The following SLC44A5 variants were observed in gnomAD, a reference collection of about 807,000 sequenced individuals.
SLC44A5 encodes the protein choline transporter-like protein 5.
In SLC44A5, 57 loss-of-function variants were observed where a neutral mutation model predicts 101.8. That is an observed-to-expected ratio of 0.56 (90% CI 0.45 to 0.70). The LOEUF (loss-of-function observed/expected upper bound fraction) is 0.70. SLC44A5 is among the 30% of genes least tolerant of loss of function. The pLI is 0.00. For synonymous variants in SLC44A5, 281 were observed against 290.9 expected, an observed-to-expected ratio of 0.97 and a Z score of 0.35; for missense variants, 737 against 853.1, an observed-to-expected ratio of 0.86 and a Z score of 1.70.
intron 2 of SLC44A5, among the ~76,000 whole-genome samples, chr1:75,508,387 T>C (rs1669385156): frequency 6.6e-6 from 1 of 152,042 alleles, no homozygotes; most frequent in African/African-American, 2.4e-5. Flanking sequence ...ACTAAACACC[T>C]ACATCAAAAT....
chr1:75,244,634 T>A (rs1648949055), intron 7 of SLC44A5, among the ~76,000 whole-genome samples: 1 of 151,878 alleles, frequency 6.6e-6, no homozygotes, highest in Non-Finnish European at 1.5e-5. Flanking sequence ...GACAGAGAGG[T>A]CATCTTTGCA....
intron 3 of SLC44A5, among the ~76,000 whole-genome samples, chr1:75,367,812 T>C (rs1336861388): frequency 6.6e-6 from 1 of 152,224 alleles, no homozygotes; most frequent in African/African-American, 2.4e-5. Flanking sequence ...TCTTAGGGTC[T>C]ACCAGAGCTT....
chr1:75,661,411 A>C, the SLC44A5 span, among the ~76,000 whole-genome samples: 33 of 148,450 alleles, frequency 2.2e-4, no homozygotes, highest in African/African-American at 5.3e-4. Flanking sequence ...AAAAAAAAAA[A>C]AAAACACCAT....
At chr1:75,205,624 G>A (rs1233286949) in intron 23 of SLC44A5, 1 of 152,168 alleles carries the variant, frequency 6.6e-6, no homozygotes, top group African/African-American at 2.4e-5. Flanking sequence ...GGTATTAGAT[G>A]ATGGAGCGCC....
chr1:75,713,946 G>A, the SLC44A5 span, among the ~76,000 whole-genome samples: 5 of 150,546 alleles, frequency 3.3e-5, no homozygotes, highest in Admixed American at 3.3e-4. Flanking sequence ...GCGTGTACAG[G>A]TGTGTGCCAC....
chr1:75,251,037 G>A (rs1649524622), intron 7 of SLC44A5, among the ~76,000 whole-genome samples, 173 bp downstream of exon 7: 1 of 152,120 alleles, frequency 6.6e-6, no homozygotes, highest in African/African-American at 2.4e-5. Context: ...GCTTAGTTTT[G>A]ATTGTATATA....
intron 2 of SLC44A5, among the ~76,000 whole-genome samples, chr1:75,512,774 T>C (rs776904392): frequency 3.3e-5 from 5 of 152,166 alleles, no homozygotes; most frequent in Non-Finnish European, 7.3e-5. Flanking sequence ...GGAAGGCTGA[T>C]GCAGAGCTAA....
At chr1:75,332,984 T>A (rs1238163486) in intron 4 of SLC44A5, among the ~76,000 whole-genome samples, 1 of 152,154 alleles carries the variant, frequency 6.6e-6, no homozygotes, top group Non-Finnish European at 1.5e-5. Context: ...TTTTTCTAAT[T>A]GTATAGGAGA....
At chr1:75,720,751 C>A in the SLC44A5 span, among the ~76,000 whole-genome samples, 1 of 150,752 alleles carries the variant, frequency 6.6e-6, no homozygotes, top group African/African-American at 2.4e-5. Context: ...GGTTGGGGTG[C>A]AGGTTGGTTT....
At chr1:75,373,594 G>C (rs1660370064) in intron 3 of SLC44A5, among the ~76,000 whole-genome samples, 1 of 152,198 alleles carries the variant, frequency 6.6e-6, no homozygotes, top group South Asian at 2.1e-4. Context: ...CTGAGTGACT[G>C]TAGCTCCTGC....
chr1:75,339,311 T>C (rs1342612989), intron 4 of SLC44A5, among the ~76,000 whole-genome samples: 1 of 150,642 alleles, frequency 6.6e-6, no homozygotes, highest in Non-Finnish European at 1.5e-5. Flanking sequence ...TAAAGCATTT[T>C]TTTTCACTTC....
At chr1:75,308,150 C>T (rs1328061488) in intron 4 of SLC44A5, among the ~76,000 whole-genome samples, 3 of 152,016 alleles carry the variant, frequency 2.0e-5, no homozygotes, top group South Asian at 4.2e-4. Flanking sequence ...GACTCAATAC[C>T]CTATGAAAAA....
chr1:75,269,734 T>C (rs1476613359), intron 6 of SLC44A5, among the ~76,000 whole-genome samples: 1 of 152,190 alleles, frequency 6.6e-6, no homozygotes, highest in Non-Finnish European at 1.5e-5. Flanking sequence ...TCTTTCTGTC[T>C]GGTTTTATGA....
intron 2 of SLC44A5, among the ~76,000 whole-genome samples, chr1:75,467,489 G>C (rs904234084): frequency 3.9e-5 from 6 of 152,060 alleles, no homozygotes; most frequent in African/African-American, 7.2e-5. Flanking sequence ...CAGACACATA[G>C]ACCAATGGAA....
At chr1:75,430,630 C>T (rs1023960803) in intron 2 of SLC44A5, among the ~76,000 whole-genome samples, 7 of 152,172 alleles carry the variant, frequency 4.6e-5, no homozygotes, top group African/African-American at 1.7e-4. Context: ...GGTCCTCAGA[C>T]TTTAATATGA....
the SLC44A5 span, among the ~76,000 whole-genome samples, chr1:75,698,413 G>T: frequency 1.3e-3 from 204 of 152,180 alleles, no homozygotes; most frequent in African/African-American, 4.7e-3. Context: ...CACACGGCCA[G>T]GTACTCCAAC....
At chr1:75,356,175 T>G (rs1570759250) in intron 3 of SLC44A5, among the ~76,000 whole-genome samples, 2 of 135,074 alleles carry the variant, frequency 1.5e-5, no homozygotes, top group South Asian at 4.6e-4. Context: ...ATAGTGCTAC[T>G]GCACTCCAGC....
the SLC44A5 span, among the ~76,000 whole-genome samples, chr1:75,675,511 G>GA: frequency 3.3e-5 from 5 of 151,968 alleles, no homozygotes; most frequent in Admixed American, 2.6e-4. Context: ...GAAGCTTTTG[G>GA]ACTGAGACGA....
chr1:75,629,612 C>T, the SLC44A5 span, among the ~76,000 whole-genome samples: 16 of 151,790 alleles, frequency 1.1e-4, no homozygotes, highest in East Asian at 1.9e-4. Flanking sequence ...TATAGCACAG[C>T]GAAGAGAAGG....
Sources: gnomAD v4.1 joint callset for allele counts (sites outside exome capture counted in the v4.1 genomes callset) on GRCh38, gnomAD v4.1.1 for gene constraint, MANE v1.5 for transcripts, NCBI Gene and HGNC (gene_info 2026-07-23, HGNC 2026-07-21) for gene names.